SOX5: variants seen among roughly 807,000 people sequenced by gnomAD.
SOX5 encodes SRY-box transcription factor 5.
A neutral mutation model predicts 92.0 loss-of-function variants in SOX5; 9 were observed. That is an observed-to-expected ratio of 0.10 (90% confidence interval 0.06 to 0.17). SOX5 has a LOEUF of 0.17. Among genes scored for constraint, SOX5 ranks in the 10% least tolerant of loss-of-function variants. The pLI is 1.00. For missense variants in SOX5, 642 were observed against 944.5 expected, an observed-to-expected ratio of 0.68 and a Z score of 4.20; for synonymous variants, 344 against 336.3, an observed-to-expected ratio of 1.02 and a Z score of -0.25.
intron 3 of SOX5, among the ~76,000 whole-genome samples, chr12:23,832,768 A>G (rs1162123484): frequency 6.6e-6 from 1 of 151,760 alleles, no homozygotes; most frequent in Non-Finnish European, 1.5e-5. Flanking sequence ...TTACAACGTA[A>G]ATTACAAGGT....
At chr12:24,069,346 A>G (rs1356896986) in intron 4 of SOX5, among the ~76,000 whole-genome samples, 2 of 152,326 alleles carry the variant, frequency 1.3e-5, no homozygotes, top group South Asian at 2.1e-4. Flanking sequence ...CTAAAGTTTC[A>G]CCATCATGCT....
chr12:24,117,716 C>T (rs1254978992), intron 4 of SOX5, among the ~76,000 whole-genome samples: 1 of 152,034 alleles, frequency 6.6e-6, no homozygotes, highest in African/African-American at 2.4e-5. Flanking sequence ...AAGACGAGCA[C>T]AGAAAAACAA....
intron 8 of SOX5, among the ~76,000 whole-genome samples, chr12:23,614,880 C>T (rs1313133116): frequency 6.6e-6 from 1 of 152,240 alleles, no homozygotes; most frequent in African/African-American, 2.4e-5. Context: ...TGGCTCACTG[C>T]AACCTCCGCC....
chr12:24,553,995 C>T (rs1254981372), intron 1 of SOX5, among the ~76,000 whole-genome samples: 1 of 152,168 alleles, frequency 6.6e-6, no homozygotes, highest in Non-Finnish European at 1.5e-5. Context: ...AAATTCAAGA[C>T]AGAATTATAA....
At chr12:23,959,588 G>C (rs1218864949) in intron 4 of SOX5, among the ~76,000 whole-genome samples, 1 of 151,958 alleles carries the variant, frequency 6.6e-6, no homozygotes, top group Non-Finnish European at 1.5e-5. Context: ...AAACTTGAAA[G>C]TGACAAAAGG....
intron 4 of SOX5, among the ~76,000 whole-genome samples, chr12:24,153,554 C>T (rs1002954547): frequency 6.6e-6 from 1 of 152,108 alleles, no homozygotes; most frequent in African/African-American, 2.4e-5. Flanking sequence ...CCATGACCTA[C>T]CCTATCTATG....
chr12:23,807,182 G>A (rs1339251620), intron 3 of SOX5, among the ~76,000 whole-genome samples: 1 of 152,156 alleles, frequency 6.6e-6, no homozygotes, highest in African/African-American at 2.4e-5. Flanking sequence ...TAGCAATCTA[G>A]AAATGGTCAA....
In SOX5 at chr12:23,584,682, G is replaced by A. The variant is rs1950480501; in HGVS notation, c.1165-8844C>T. 4.7e-6 allele frequency: 5 copies of A among 1,074,834 alleles called. No individual in the cohort carries two copies. The South Asian group carries it at 6.6e-5, about 14-fold the overall frequency. 66.6% of individuals were successfully genotyped at this position (1,074,834 alleles called of 1,614,324 possible). On this transcript the variant is annotated intron_variant, in intron 9 of 14. Transcript: ENST00000451604. ...ATTGGTTTATATTTGGGAGATGAGT[G>A]AAGGCCAAATTGTCTAAGGCACAGA...
At chr12:24,166,262 T>G (rs1295085522) in intron 4 of SOX5, among the ~76,000 whole-genome samples, 1 of 152,050 alleles carries the variant, frequency 6.6e-6, no homozygotes, top group African/African-American at 2.4e-5. Context: ...GAGAGAGTAG[T>G]GTGGAATCAT....
intron 4 of SOX5, among the ~76,000 whole-genome samples, chr12:24,183,787 GT>G (rs1320624953): frequency 6.6e-6 from 1 of 152,104 alleles, no homozygotes; most frequent in Non-Finnish European, 1.5e-5. Context: ...AACTGCGAGG[GT>G]TTAGTTCCTG....
At chr12:24,110,863 T>C (rs926545110) in intron 4 of SOX5, among the ~76,000 whole-genome samples, 11 of 133,040 alleles carry the variant, frequency 8.3e-5, no homozygotes, top group Non-Finnish European at 1.5e-4. Flanking sequence ...ATCGTGCCAC[T>C]GTACTCCAGC....
At chr12:24,110,279 T>A (rs1394096921) in intron 4 of SOX5, among the ~76,000 whole-genome samples, 1 of 152,194 alleles carries the variant, frequency 6.6e-6, no homozygotes, top group African/African-American at 2.4e-5. Context: ...CCTAATGAGT[T>A]GCTATCATGT....
At chr12:24,157,728 A>G (rs1222206283) in intron 4 of SOX5, among the ~76,000 whole-genome samples, 1 of 152,100 alleles carries the variant, frequency 6.6e-6, no homozygotes, top group Non-Finnish European at 1.5e-5. Context: ...TTAGTCAGCT[A>G]AGTCATTCCC....
rs565003183 is a variant in SOX5 at position 23,659,227 on chromosome 12, A to G, written c.931+6217T>C. Among the ~76,000 whole-genome samples, 17 of 152,320 alleles carry G rather than the reference A, an allele frequency of 1.1e-4. No homozygotes were observed. In the East Asian group the frequency reaches 3.3e-3, roughly 29 times the overall value. On this transcript the variant is annotated intron_variant, in intron 7 of 14. Transcript: ENST00000451604. ...ACCCACATGATACTCCCATTAAACA[A>G]TGAAACATGTGACATTAACTAAAAA...
intron 1 of SOX5, among the ~76,000 whole-genome samples, chr12:24,431,922 AG>A (rs1193193980): frequency 1.3e-5 from 2 of 152,182 alleles, no homozygotes; most frequent in Non-Finnish European, 2.9e-5. Flanking sequence ...AAGCTGAGAA[AG>A]GAAACAGAAG....
chr12:23,704,765 A>G (rs1236449989), intron 6 of SOX5, among the ~76,000 whole-genome samples: 2 of 146,086 alleles, frequency 1.4e-5, no homozygotes, highest in Non-Finnish European at 3.0e-5. Flanking sequence ...TACCTACTGT[A>G]TACATTTTAT....
At chr12:23,694,091 G>A (rs1358099750) in intron 6 of SOX5, among the ~76,000 whole-genome samples, 1 of 152,036 alleles carries the variant, frequency 6.6e-6, no homozygotes, top group Non-Finnish European at 1.5e-5. Context: ...ACAGACTTTT[G>A]CTCCCATGAT....
intron 2 of SOX5, among the ~76,000 whole-genome samples, chr12:24,357,071 G>A (rs1253488098): frequency 1.3e-5 from 2 of 152,148 alleles, no homozygotes; most frequent in African/African-American, 4.8e-5. Flanking sequence ...GACTTCTATA[G>A]AGCAAACTTT....
chr12:23,616,108 C>T (rs1356297303), intron 8 of SOX5, among the ~76,000 whole-genome samples: 1 of 152,102 alleles, frequency 6.6e-6, no homozygotes, highest in Non-Finnish European at 1.5e-5. Context: ...TTCTTTGTAT[C>T]CGTCAAGGAA....
Sources: allele counts gnomAD v4.1 joint callset (sites outside exome capture counted in the v4.1 genomes callset), GRCh38; gene constraint gnomAD v4.1.1; transcripts MANE v1.5; gene names NCBI Gene and HGNC (gene_info 2026-07-23, HGNC 2026-07-21).